The following THAP6 variants were observed in gnomAD, a reference collection of about 807,000 sequenced individuals.
THAP6 encodes the protein THAP domain-containing protein 6.
THAP6 carries 13 observed loss-of-function variants against 20.0 expected under a neutral mutation model. The ratio of observed to expected loss-of-function variants is 0.65; its 90% confidence interval spans 0.42 to 1.03. The LOEUF is 1.03. THAP6 is among the 50% of genes least tolerant of loss of function. The pLI is 0.00. For synonymous variants in THAP6, 93 were observed against 92.2 expected, an observed-to-expected ratio of 1.01 and a Z score of -0.05; for missense variants, 262 against 261.6, an observed-to-expected ratio of 1.00 and a Z score of -0.01.
intron 4 of THAP6, among the ~76,000 whole-genome samples, chr4:75,526,597 A>G (rs1252465185): frequency 1.3e-5 from 2 of 152,214 alleles, no homozygotes; most frequent in Admixed American, 1.3e-4. Flanking sequence ...CAATAAAGTA[A>G]CCCAGTTAAA....
intron 3 of THAP6, among the ~76,000 whole-genome samples, chr4:75,518,719 G>A (rs981614525): frequency 4.6e-5 from 7 of 152,094 alleles, no homozygotes; most frequent in African/African-American, 9.7e-5. Context: ...TTCCTACACC[G>A]TAGCTTTCAA....
chr4:75,517,123 A>G (rs986166245), intron 3 of THAP6, 144 bp downstream of exon 3: 14 of 602,062 alleles, frequency 2.3e-5, no homozygotes, highest in African/African-American at 9.4e-5. Flanking sequence ...GGTTTAAGCA[A>G]TTCTCTGCCT....
chr4:75,534,838 T>C (rs1235418440), downstream of THAP6, among the ~76,000 whole-genome samples: 2 of 151,984 alleles, frequency 1.3e-5, no homozygotes, highest in Non-Finnish European at 2.9e-5. Context: ...ATCAGAGAAA[T>C]GCAAATCAAA....
intron 4 of THAP6, among the ~76,000 whole-genome samples, chr4:75,523,207 C>T (rs1408097924): frequency 1.3e-5 from 2 of 152,124 alleles, no homozygotes; most frequent in Admixed American, 6.5e-5. Flanking sequence ...AGTGATAATG[C>T]GTACCTTTTC....
chr4:75,526,636 A>G (rs1726387983), intron 4 of THAP6, among the ~76,000 whole-genome samples: 1 of 152,214 alleles, frequency 6.6e-6, no homozygotes, highest in Admixed American at 6.5e-5. Context: ...TTGATAGGTA[A>G]AAATTAAACT....
At chr4:75,519,291 T>C (rs1191938725) in intron 3 of THAP6, among the ~76,000 whole-genome samples, 2 of 152,018 alleles carry the variant, frequency 1.3e-5, no homozygotes, top group Non-Finnish European at 1.5e-5. Context: ...GGGGTTATTA[T>C]AAATTGTGCA....
intron 4 of THAP6, among the ~76,000 whole-genome samples, chr4:75,525,707 A>G (rs1287816968): frequency 6.6e-6 from 1 of 152,122 alleles, no homozygotes; most frequent in African/African-American, 2.4e-5. Flanking sequence ...TTTTTGTATC[A>G]TGTTTTCTTG....
Position 75,529,906 on chromosome 4 carries a change from A to G in THAP6, c.*2692A>G. 1 of 939,362 alleles carries G rather than the reference A, an allele frequency of 1.1e-6. No individual in the cohort carries two copies. Among genetic ancestry groups the G allele is most frequent in the Non-Finnish European group, 1.3e-6 (1 of 788,040 alleles). 58.2% of individuals were successfully genotyped at this position (939,362 alleles called of 1,614,324 possible). On this transcript the variant is annotated 3_prime_UTR_variant, in exon 5 of 5. Transcript: ENST00000311638. ...TATACCATAGTCTGTAATTTGAGAA[A>G]AGGTGAAATGTATTTAATATATATT...
chr4:75,529,211 T>C lies in THAP6; in HGVS notation c.*1997T>C. 2 of 984,640 alleles carry C rather than the reference T, an allele frequency of 2.0e-6. No individual in the cohort carries two copies. Among genetic ancestry groups the C allele is most frequent in the South Asian group, 4.7e-5 (1 of 21,270 alleles). The allele number at this position is 984,640 out of a possible 1,614,324, so 61.0% of individuals were successfully genotyped here. A position where few individuals can be genotyped will look rare whatever the true frequency, so the allele number is the denominator to read the frequency against. On this transcript the variant is annotated 3_prime_UTR_variant, in exon 5 of 5. Transcript: ENST00000311638. ...ATTTTTCCCTCACCCTATTTGTGAATATATAAATTAAAGTAAGACAATGGA... is the reference window on the plus strand; with the variant it reads ...ATTTTTCCCTCACCCTATTTGTGAACATATAAATTAAAGTAAGACAATGGA...
In THAP6 at chr4:75,528,614, C is replaced by A. The variant is rs1352451265; in HGVS notation, c.*1400C>A. 1 of 984,380 alleles carries A rather than the reference C, an allele frequency of 1.0e-6. No individual in the cohort carries two copies. Among genetic ancestry groups the A allele is most frequent in the Admixed American group, 6.2e-5 (1 of 16,254 alleles). The allele number at this position is 984,380 out of a possible 1,614,324, so 61.0% of individuals were successfully genotyped here. A position where few individuals can be genotyped will look rare whatever the true frequency, so the allele number is the denominator to read the frequency against. ...TATTTAAGAATTTTCTGTTTTAATG[C>A]ATGTTATACTTTTATGTAGGATTCC... is the stretch of plus-strand genomic sequence containing the variant. On this transcript the variant is annotated 3_prime_UTR_variant, in exon 5 of 5. Coordinates refer to ENST00000311638, the MANE Select transcript of THAP6 (RefSeq NM_144721.6).
At chr4:75,519,323 ATCT>A (rs1267825801) in intron 3 of THAP6, among the ~76,000 whole-genome samples, 9 of 131,380 alleles carry the variant, frequency 6.9e-5, no homozygotes, top group East Asian at 2.2e-4. Context: ...TTTGGGGCAC[ATCT>A]TTTTTTTTTT....
In THAP6 at chr4:75,527,622, A is replaced by G; in HGVS notation, c.*408A>G. On this transcript the variant is annotated 3_prime_UTR_variant, in exon 5 of 5. Coordinates refer to ENST00000311638, the MANE Select transcript of THAP6 (RefSeq NM_144721.6). ...TGGTAAGTACATTGAATTTTACTTT[A>G]AATGCATTTTACTACAAAGCACAAT... The G allele has an allele frequency of 3.0e-6, 3 of 1,004,886 alleles. No individual in the cohort carries two copies. The highest frequency in any genetic ancestry group is 2.4e-6 in the Non-Finnish European group (2 of 840,830). The allele number at this position is 1,004,886 out of a possible 1,614,324, so 62.2% of individuals were successfully genotyped here.
In THAP6 at chr4:75,528,438, T is replaced by G; in HGVS notation, c.*1224T>G. The G allele has an allele frequency of 6.1e-6, 6 of 984,518 alleles. No individual in the cohort carries two copies. Among genetic ancestry groups the G allele is most frequent in the Non-Finnish European group, 7.2e-6 (6 of 829,066 alleles). The allele number at this position is 984,518 out of a possible 1,614,324, so 61.0% of individuals were successfully genotyped here. A position where few individuals can be genotyped will look rare whatever the true frequency, so the allele number is the denominator to read the frequency against. ...GCACATGTACATACATGGACCTCAT[T>G]CAGAAGTCCATGTTGTAGCAGTTAG... On this transcript the variant is annotated 3_prime_UTR_variant, in exon 5 of 5. Coordinates refer to ENST00000311638, the MANE Select transcript of THAP6 (RefSeq NM_144721.6).
At chr4:75,544,073 T>C (rs904952604) in intron 3 of THAP6, among the ~76,000 whole-genome samples, 2 of 152,182 alleles carry the variant, frequency 1.3e-5, no homozygotes, top group Non-Finnish European at 2.9e-5. Context: ...AACATTTATA[T>C]AGGGTGATTT....
chr4:75,539,811 C>CA (rs765621159), intron 2 of THAP6: 2 of 1,535,216 alleles, frequency 1.3e-6, no homozygotes, highest in South Asian at 2.4e-5. Context: ...TACAATGAGC[C>CA]ATCCACATAC....
At chr4:75,531,857 C>T (rs1192572036), downstream of THAP6, among the ~76,000 whole-genome samples, 5 of 151,864 alleles carry the variant, frequency 3.3e-5, no homozygotes, top group Non-Finnish European at 7.4e-5. Context: ...AGGAAAGACC[C>T]GCCCTCATGA....
chr4:75,516,943 C>T lies in THAP6; in HGVS notation c.252C>T (p.Val84=). 6.2e-7 allele frequency: 1 copy of T among 1,611,532 alleles called. No individual in the cohort carries two copies. The highest frequency in any genetic ancestry group is 8.5e-7 in the Non-Finnish European group (1 of 1,179,036). Residue 84 remains valine, a synonymous_variant, in exon 3 of 5, where the codon GTC becomes GTT. Coordinates refer to ENST00000311638, the MANE Select transcript of THAP6 (RefSeq NM_144721.6). ...SAPNIKLKPG[V]IPSIFDSPYH... is the part of the protein sequence containing the mutation. The stretch of plus-strand genomic sequence containing the variant: ...CAAATATTAAACTGAAACCTGGAGT[C>T]ATACCTTCTATCTTTGATTCTCCAT...
chr4:75,530,539 G>A (rs1322564274), downstream of THAP6, among the ~76,000 whole-genome samples: 1 of 152,054 alleles, frequency 6.6e-6, no homozygotes, highest in African/African-American at 2.4e-5. Flanking sequence ...TCCTCCCATT[G>A]GATTAACATA....
Position 75,529,019 on chromosome 4 carries a change from C to A in THAP6, c.*1805C>A. On this transcript the variant is annotated 3_prime_UTR_variant, in exon 5 of 5. Transcript: ENST00000311638. ...AGTGAGCCAAGATCACGCCGTTGCA[C>A]TCCAGCCTGAGCAACAGAGCAAGAC... 2 of 735,888 alleles carry A rather than the reference C, an allele frequency of 2.7e-6. No homozygotes were observed. Among genetic ancestry groups the A allele is most frequent in the Non-Finnish European group, 1.7e-6 (1 of 602,570 alleles). The allele number at this position is 735,888 out of a possible 1,614,324, so 45.6% of individuals were successfully genotyped here. A position where few individuals can be genotyped will look rare whatever the true frequency, so the allele number is the denominator to read the frequency against.
Sources: allele counts gnomAD v4.1 joint callset (sites outside exome capture counted in the v4.1 genomes callset), GRCh38; gene constraint gnomAD v4.1.1; transcripts MANE v1.5; gene names NCBI Gene and HGNC (gene_info 2026-07-23, HGNC 2026-07-21).